RAB6A: variants seen among roughly 807,000 people sequenced by gnomAD.
RAB6A encodes the protein RAB6A, member RAS oncogene family.
In RAB6A, 8 loss-of-function variants were observed where a neutral mutation model predicts 32.3. The observed-to-expected ratio is 0.25, with a 90% CI of 0.15 to 0.45. The LOEUF (loss-of-function observed/expected upper bound fraction) is 0.45, where lower values mean the gene tolerates loss of function less well. Ranked by LOEUF, RAB6A falls within the 20% of genes least tolerant of loss-of-function variation. The pLI is 1.00. For missense variants in RAB6A, 104 were observed against 249.4 expected (o/e 0.42, Z 3.93); for synonymous variants, 73 against 82.1 (o/e 0.89, Z 0.60).
rs551989492 is a variant in RAB6A, at chr11:73,676,831, A to T, written c.*1067T>A. 1.2e-5 allele frequency: 2 copies of T among 167,214 alleles called. No homozygotes were observed. The highest frequency in any genetic ancestry group is 3.9e-4 in the East Asian group (2 of 5,194). 10.4% of individuals were successfully genotyped at this position (167,214 alleles called of 1,614,324 possible). A position where few individuals can be genotyped will look rare whatever the true frequency, so the allele number is the denominator to read the frequency against. ...GTTCTTTTGTTGGTAAGCTTTAGACATCATTATTTCTACTAATTCAGTAGT... is the reference window on the plus strand; with the variant it reads ...GTTCTTTTGTTGGTAAGCTTTAGACTTCATTATTTCTACTAATTCAGTAGT... On this transcript the variant is annotated 3_prime_UTR_variant, in exon 8 of 8. Transcript: ENST00000336083.
At chr11:73,689,947 G>A (rs1565347462) in intron 6 of RAB6A, among the ~76,000 whole-genome samples, 2 of 149,336 alleles carry the variant, frequency 1.3e-5, no homozygotes, top group Non-Finnish European at 3.0e-5. Flanking sequence ...ACTCATATTT[G>A]GCTCAAAATA....
chr11:73,722,343 A>T (rs3908295), intron 2 of RAB6A: 637 of 15,116 alleles, frequency 0.042, 29 homozygotes, highest in African/African-American at 0.14. Flanking sequence ...ATATATATAT[A>T]TTTTTTTTTT....
At chr11:73,684,507 T>TA (rs996773922) in intron 6 of RAB6A, among the ~76,000 whole-genome samples, 3 of 152,198 alleles carry the variant, frequency 2.0e-5, no homozygotes, top group Admixed American at 6.5e-5. Context: ...ATGCTATTAA[T>TA]AGAGTACAGT....
At chr11:73,750,298 T>G (rs752778416) in intron 1 of RAB6A, among the ~76,000 whole-genome samples, 1 of 152,096 alleles carries the variant, frequency 6.6e-6, no homozygotes, top group African/African-American at 2.4e-5. Context: ...TCACTTAGCA[T>G]AACGTCCTCA....
chr11:73,715,520 A>T (rs1033463215), intron 5 of RAB6A, among the ~76,000 whole-genome samples: 4 of 152,226 alleles, frequency 2.6e-5, no homozygotes, highest in Admixed American at 2.6e-4. Context: ...ACTTGAATTA[A>T]TATCACAAGT....
At chr11:73,734,980 G>T (rs542024684) in intron 1 of RAB6A, among the ~76,000 whole-genome samples, 1 of 152,170 alleles carries the variant, frequency 6.6e-6, no homozygotes, top group Non-Finnish European at 1.5e-5. Context: ...CATTTCCTTT[G>T]AAAGTCATGT....
chr11:73,741,616 G>A (rs1311856921), intron 1 of RAB6A, among the ~76,000 whole-genome samples: 1 of 151,952 alleles, frequency 6.6e-6, no homozygotes, highest in Non-Finnish European at 1.5e-5. Context: ...ATGTCCTTCA[G>A]TAGGTGAATG....
At position 73,760,606 on chromosome 11, in the gene RAB6A, C is replaced by G. The variant is rs535345684; in HGVS notation, c.30G>C (p.Pro10=). ...GGAACACCAGCTTGAATTTCCTCAG[C>G]GGATTCCCGAAGTCTCCGCCCGTGG... MSTGGDFGN[P]LRKFKLVFLG... is the part of the protein sequence containing the mutation. The change falls in exon 1 of 8, where the codon CCG becomes CCC. Residue 10 remains proline (P), a synonymous_variant. Transcript: ENST00000336083. 85 of 1,611,408 alleles carry G rather than the reference C, an allele frequency of 5.3e-5. No individual in the cohort carries two copies. Among genetic ancestry groups the G allele is most frequent in the Non-Finnish European group, 7.1e-5 (84 of 1,178,938 alleles).
chr11:73,712,908 G>A (rs575036053), intron 5 of RAB6A, among the ~76,000 whole-genome samples: 2 of 149,152 alleles, frequency 1.3e-5, no homozygotes, highest in South Asian at 4.3e-4. Flanking sequence ...AGTAGAGACA[G>A]GGTTTCGCTA....
At position 73,675,863 on chromosome 11, in the gene RAB6A, ACTT is replaced by A. The variant is rs1237117791; in HGVS notation, c.*2032_*2034del. ...AATCACACCCATGTCAGAAGTCACA[ACTT>A]CTTCCAAATAAAGAATATGACCCAT... is the stretch of plus-strand genomic sequence containing the variant. On this transcript the variant is annotated 3_prime_UTR_variant, in exon 8 of 8. Coordinates refer to ENST00000336083, the MANE Select transcript of RAB6A (RefSeq NM_198896.2). 3.0e-5 allele frequency: 5 copies of A among 167,128 alleles called. No homozygotes were observed. The highest frequency in any genetic ancestry group is 1.2e-4 in the African/African-American group (5 of 41,474). The allele number at this position is 167,128 out of a possible 1,614,324, so 10.4% of individuals were successfully genotyped here. A position where few individuals can be genotyped will look rare whatever the true frequency, so the allele number is the denominator to read the frequency against.
intron 1 of RAB6A, among the ~76,000 whole-genome samples, chr11:73,754,529 T>TAATA (rs1159906805): frequency 2.6e-5 from 4 of 152,250 alleles, no homozygotes; most frequent in Non-Finnish European, 5.9e-5. Flanking sequence ...TGTCCTCTAT[T>TAATA]AAGTCAGACA....
intron 6 of RAB6A, among the ~76,000 whole-genome samples, 199 bp from the exon 7 acceptor site, chr11:73,679,919 ACT>A (rs1333106316): frequency 1.3e-5 from 2 of 151,432 alleles, no homozygotes; most frequent in African/African-American, 4.8e-5. Context: ...ACATGGTGAA[ACT>A]CTGTCTCTAC....
intron 1 of RAB6A, among the ~76,000 whole-genome samples, chr11:73,741,851 A>T (rs191356423): frequency 6.6e-6 from 1 of 152,232 alleles, no homozygotes; most frequent in Non-Finnish European, 1.5e-5. Flanking sequence ...TTAAGATTTA[A>T]TTTTTTAGAT....
At chr11:73,718,568 TA>T in intron 4 of RAB6A, 44 bp downstream of exon 4, 1 of 1,494,766 alleles carries the variant, frequency 6.7e-7, no homozygotes, top group Non-Finnish European at 9.2e-7. Flanking sequence ...GCAGCTAAGC[TA>T]AAGGTTGAAA....
intron 6 of RAB6A, among the ~76,000 whole-genome samples, chr11:73,688,579 T>A (rs1192938310): frequency 2.0e-5 from 3 of 152,186 alleles, no homozygotes; most frequent in Admixed American, 1.3e-4. Flanking sequence ...TCTTAAGAGA[T>A]CTTGTCCCTG....
At chr11:73,678,946 G>A (rs969909360) in intron 7 of RAB6A, among the ~76,000 whole-genome samples, 3 of 151,840 alleles carry the variant, frequency 2.0e-5, no homozygotes, top group Non-Finnish European at 2.9e-5. Flanking sequence ...GGCTGGTCTT[G>A]AACTCCCGAC....
At chr11:73,757,115 ATATAT>A (rs1462790019) in intron 1 of RAB6A, among the ~76,000 whole-genome samples, 2 of 39,854 alleles carry the variant, frequency 5.0e-5, no homozygotes, top group Admixed American at 3.0e-4. Context: ...ATATATATAT[ATATAT>A]ATATATATAT....
intron 1 of RAB6A, among the ~76,000 whole-genome samples, chr11:73,738,912 C>A (rs1946444710): frequency 6.6e-6 from 1 of 151,864 alleles, no homozygotes; most frequent in African/African-American, 2.4e-5. Flanking sequence ...CCACTGCACT[C>A]CAGCTTGGGC....
intron 1 of RAB6A, among the ~76,000 whole-genome samples, chr11:73,747,470 C>G (rs1425597561): frequency 7.3e-6 from 1 of 136,478 alleles, no homozygotes; most frequent in East Asian, 2.5e-4. Flanking sequence ...CTCCCAAGTG[C>G]TGGGAATTAC....
Sources: gnomAD v4.1 joint callset for allele counts (sites outside exome capture counted in the v4.1 genomes callset) on GRCh38, gnomAD v4.1.1 for gene constraint, MANE v1.5 for transcripts, NCBI Gene and HGNC (gene_info 2026-07-23, HGNC 2026-07-21) for gene names.